CD302: variants seen among roughly 807,000 people sequenced by gnomAD.
CD302 encodes CD302 antigen.
Under a neutral mutation model 26.5 loss-of-function variants are expected in CD302, and 23 were observed. That is an observed-to-expected ratio of 0.87 (90% CI 0.62 to 1.23). CD302 has a LOEUF of 1.23. CD302 is among the 50% of genes most tolerant of loss of function. CD302 has a pLI of 0.00. For missense variants in CD302, 290 were observed against 275.5 expected (o/e 1.05, Z -0.37); for synonymous variants, 90 against 99.4 (o/e 0.91, Z 0.56).
intron 2 of CD302, among the ~76,000 whole-genome samples, chr2:159,782,054 C>A (rs936764039): frequency 6.6e-6 from 1 of 151,620 alleles, no homozygotes; most frequent in Admixed American, 6.6e-5. Context: ...ATTGCCTGAC[C>A]TCAGGAGTTC....
chr2:159,793,580 T>C (rs969886672), intron 1 of CD302, among the ~76,000 whole-genome samples: 2 of 152,180 alleles, frequency 1.3e-5, no homozygotes, highest in African/African-American at 4.8e-5. Context: ...AAGATATGAG[T>C]TGTAGTCACA....
At chr2:159,784,311 T>C (rs189757946) in intron 1 of CD302, among the ~76,000 whole-genome samples, 1 of 150,938 alleles carries the variant, frequency 6.6e-6, no homozygotes, top group East Asian at 1.9e-4. Context: ...ATTTCATCTA[T>C]ATAAATATGT....
At chr2:159,778,982 A>C (rs544845109) in intron 4 of CD302, among the ~76,000 whole-genome samples, 70 of 152,194 alleles carry the variant, frequency 4.6e-4, no homozygotes, top group African/African-American at 1.5e-3. Context: ...CTGTAATCCT[A>C]ACACTTTGGG....
intron 1 of CD302, among the ~76,000 whole-genome samples, chr2:159,788,463 T>C (rs1708725698): frequency 6.6e-6 from 1 of 152,262 alleles, no homozygotes; most frequent in Non-Finnish European, 1.5e-5. Context: ...CCATCTAGGT[T>C]TGTGTAAGTA....
rs749178254 is a variant in CD302 at position 159,770,256 on chromosome 2, A to G, written c.*1595T>C. On this transcript the variant is annotated 3_prime_UTR_variant, in exon 6 of 6. Coordinates refer to ENST00000259053, the MANE Select transcript of CD302 (RefSeq NM_014880.5). Reference sequence around the variant, plus strand: ...TATCAATAATAAAATAGACATCTCAATCACTATACAAAATCTCAGAAATGT... The same window carrying G: ...TATCAATAATAAAATAGACATCTCAGTCACTATACAAAATCTCAGAAATGT... 2.0e-5 allele frequency: 3 copies of G among 152,188 alleles called. No homozygotes were observed. Among genetic ancestry groups the G allele is most frequent in the Non-Finnish European group, 2.9e-5 (2 of 68,028 alleles). 9.4% of individuals were successfully genotyped at this position (152,188 alleles called of 1,614,324 possible).
intron 5 of CD302, among the ~76,000 whole-genome samples, chr2:159,774,101 G>C (rs1387839850): frequency 6.6e-6 from 1 of 151,210 alleles, no homozygotes; most frequent in Non-Finnish European, 1.5e-5. Context: ...TAGCCGTCCA[G>C]CCTTGAAGTT....
At chr2:159,782,623 G>C (rs1708552492) in intron 2 of CD302, among the ~76,000 whole-genome samples, 1 of 151,160 alleles carries the variant, frequency 6.6e-6, no homozygotes, top group East Asian at 1.9e-4. Context: ...TATTCAGGGG[G>C]CTGACATGGG....
At chr2:159,796,626 T>A (rs1232421231) in intron 1 of CD302, among the ~76,000 whole-genome samples, 14 of 152,198 alleles carry the variant, frequency 9.2e-5, no homozygotes, top group Admixed American at 9.2e-4. Context: ...AGGAGCTGAT[T>A]AATTAACATT....
Sources: allele counts gnomAD v4.1 joint callset (sites outside exome capture counted in the v4.1 genomes callset), GRCh38; gene constraint gnomAD v4.1.1; transcripts MANE v1.5; gene names NCBI Gene and HGNC (gene_info 2026-07-23, HGNC 2026-07-21).